Variants in TMTC2 observed in about 807,000 individuals in gnomAD.
TMTC2 encodes the protein protein O-mannosyl-transferase TMTC2.
A neutral mutation model predicts 82.4 loss-of-function variants in TMTC2; 43 were observed. That is an observed-to-expected ratio of 0.52 (90% confidence interval 0.41 to 0.67). The LOEUF is 0.67. Ranked by LOEUF, TMTC2 falls within the 30% of genes least tolerant of loss-of-function variation. TMTC2 has a pLI of 0.00. For synonymous variants in TMTC2, 408 were observed against 381.9 expected (o/e 1.07, Z -0.80); for missense variants, 919 against 1,012.4 (o/e 0.91, Z 1.25).
chr12:83,078,942 G>C (rs76929692), intron 11 of TMTC2, among the ~76,000 whole-genome samples: 6,674 of 151,948 alleles, frequency 0.044, 184 homozygotes, highest in East Asian at 0.12. Context: ...GTTTTATTTG[G>C]AAAGTAAATT....
At chr12:82,950,948 G>T (rs185241393) in intron 4 of TMTC2, among the ~76,000 whole-genome samples, 162 of 152,244 alleles carry the variant, frequency 1.1e-3, no homozygotes, top group Admixed American at 3.5e-3. Context: ...TTTAAAAAAA[G>T]AACTTTATGA....
At chr12:83,047,353 C>T (rs754728577) in intron 9 of TMTC2, among the ~76,000 whole-genome samples, 19 of 152,174 alleles carry the variant, frequency 1.2e-4, no homozygotes, top group Non-Finnish European at 2.5e-4. Context: ...CTTTGTTTCC[C>T]TGTACAAACA....
chr12:82,853,580 A>T (rs1442699700), intron 1 of TMTC2, among the ~76,000 whole-genome samples: 1 of 152,110 alleles, frequency 6.6e-6, no homozygotes, highest in Admixed American at 6.5e-5. Flanking sequence ...TAATGGGTGA[A>T]TTTTTTATCA....
At chr12:83,124,602 G>A (rs1885050874) in intron 11 of TMTC2, among the ~76,000 whole-genome samples, 1 of 151,010 alleles carries the variant, frequency 6.6e-6, no homozygotes, top group African/African-American at 2.4e-5. Context: ...TTGTCAGAGA[G>A]GGTGGAAGAA....
At chr12:82,941,079 A>G (rs1017980848) in intron 4 of TMTC2, among the ~76,000 whole-genome samples, 7 of 152,202 alleles carry the variant, frequency 4.6e-5, no homozygotes, top group African/African-American at 7.2e-5. Context: ...ACATGATATC[A>G]TATATATAAA....
chr12:82,742,521 CTTT>C (rs369523726), intron 1 of TMTC2, among the ~76,000 whole-genome samples: 3 of 140,576 alleles, frequency 2.1e-5, no homozygotes, highest in African/African-American at 2.6e-5. Context: ...CCTGTATATT[CTTT>C]TTTTTTTTTT....
rs1033491989 is a variant in TMTC2, at chr12:83,132,724, A to C, written c.*335A>C. The C allele has an allele frequency of 3.9e-6, 1 of 255,424 alleles. No individual in the cohort carries two copies. The highest frequency in any genetic ancestry group is 7.4e-6 in the Non-Finnish European group (1 of 135,048). 15.8% of individuals were successfully genotyped at this position (255,424 alleles called of 1,614,324 possible). ...TTCATTTTCTGAAAGCTAATTTCAA[A>C]ATTATGTTGTTCCTTAAACACTGTG... On this transcript the variant is annotated 3_prime_UTR_variant, in exon 12 of 12. Transcript: ENST00000321196.
intron 4 of TMTC2, among the ~76,000 whole-genome samples, chr12:82,937,492 C>T (rs1820439724): frequency 1.3e-5 from 1 of 75,348 alleles, no homozygotes. Flanking sequence ...AATAAGGTCA[C>T]ATTCTGAAAT....
rs796367931 is a variant in TMTC2 at position 82,765,712 on chromosome 12, AAC to A, written c.83+78045_83+78046del. Among the ~76,000 whole-genome samples the A allele has an allele frequency of 4.0e-3, 577 of 142,562 alleles. 9 individuals carry two copies. The highest frequency in any genetic ancestry group is 0.017 in the African/African-American group (542 of 32,646). The allele number at this position is 142,562 out of a possible 152,430, so 93.5% of individuals were successfully genotyped here. On this transcript the variant is annotated intron_variant, in intron 1 of 11. Transcript: ENST00000321196. ...CAAAACAAAACAAAACAAACAAACAAACAAAAAAAAACAAAGAAAAAACAGGT... is the reference window on the plus strand; with the variant it reads ...CAAAACAAAACAAAACAAACAAACAAAAAAAAAAACAAAGAAAAAACAGGT...
chr12:82,988,531 A>G (rs958750262), intron 8 of TMTC2, among the ~76,000 whole-genome samples: 3 of 152,070 alleles, frequency 2.0e-5, no homozygotes, highest in African/African-American at 7.2e-5. Flanking sequence ...AAGTAAATAA[A>G]GAGAAGTTCA....
chr12:83,057,947 A>G (rs1380078987), intron 10 of TMTC2, among the ~76,000 whole-genome samples: 2 of 152,018 alleles, frequency 1.3e-5, no homozygotes, highest in Non-Finnish European at 2.9e-5. Flanking sequence ...ATTCTCACAG[A>G]ATACATAAAA....
chr12:82,801,899 G>A (rs979423862), intron 1 of TMTC2, among the ~76,000 whole-genome samples: 3 of 152,136 alleles, frequency 2.0e-5, no homozygotes. Context: ...GTGCTGATTG[G>A]TGCATTTACA....
chr12:82,981,386 A>C (rs927396871), intron 7 of TMTC2, among the ~76,000 whole-genome samples: 3 of 151,800 alleles, frequency 2.0e-5, no homozygotes, highest in African/African-American at 7.2e-5. Flanking sequence ...GGTTATTTAG[A>C]CCTGGGGCTT....
intron 1 of TMTC2, among the ~76,000 whole-genome samples, chr12:82,830,885 A>G (rs1228767570): frequency 6.6e-6 from 1 of 152,186 alleles, no homozygotes. Context: ...AATACCATAT[A>G]TTTTACATGG....
intron 1 of TMTC2, among the ~76,000 whole-genome samples, chr12:82,764,891 T>C (rs2136985942): frequency 6.8e-6 from 1 of 148,038 alleles, no homozygotes; most frequent in Admixed American, 6.9e-5. Flanking sequence ...AGAGGAAAAA[T>C]GCAGGGAATC....
At chr12:82,799,570 G>A (rs543224585) in intron 1 of TMTC2, among the ~76,000 whole-genome samples, 2 of 152,272 alleles carry the variant, frequency 1.3e-5, no homozygotes, top group South Asian at 4.1e-4. Context: ...GATAGTGTCT[G>A]CAGGGTTGGT....
chr12:82,895,454 T>C (rs1160079539), intron 2 of TMTC2, among the ~76,000 whole-genome samples: 1 of 152,214 alleles, frequency 6.6e-6, no homozygotes. Context: ...TGCAGAGTGC[T>C]AAGTACTGTA....
intron 8 of TMTC2, among the ~76,000 whole-genome samples, chr12:83,020,906 T>C (rs548888744): frequency 2.3e-4 from 35 of 152,314 alleles, no homozygotes; most frequent in African/African-American, 7.9e-4. Flanking sequence ...GTTGTGTTTA[T>C]ACCTTAAAAT....
At chr12:82,882,886 T>A (rs1441895176) in intron 2 of TMTC2, among the ~76,000 whole-genome samples, 1 of 151,898 alleles carries the variant, frequency 6.6e-6, no homozygotes, top group Admixed American at 6.6e-5. Context: ...TGAAACCCTG[T>A]CTCTACTAGA....
Sources: allele counts gnomAD v4.1 joint callset (sites outside exome capture counted in the v4.1 genomes callset), GRCh38; gene constraint gnomAD v4.1.1; transcripts MANE v1.5; gene names NCBI Gene and HGNC (gene_info 2026-07-23, HGNC 2026-07-21).